Variants in SND1 observed in about 807,000 individuals in gnomAD.
SND1 encodes staphylococcal nuclease and tudor domain containing 1, also known as staphylococcal nuclease domain-containing protein 1.
In SND1, 38 loss-of-function variants were observed where a neutral mutation model predicts 121.7. That is an observed-to-expected ratio of 0.31 (90% CI 0.24 to 0.41). SND1 has a LOEUF of 0.41. Ranked by LOEUF, SND1 falls within the 10% of genes least tolerant of loss-of-function variation. The probability of loss-of-function intolerance (pLI) is 1.00; values close to 1 mark genes in which losing one functional copy is unlikely to be tolerated. For synonymous variants in SND1, 401 were observed against 447.4 expected, an observed-to-expected ratio of 0.90 and a Z score of 1.31; for missense variants, 868 against 1,184.6, an observed-to-expected ratio of 0.73 and a Z score of 3.92.
chr7:127,901,386 A>G (rs1195627482), intron 13 of SND1, among the ~76,000 whole-genome samples: 1 of 151,756 alleles, frequency 6.6e-6, no homozygotes, highest in Non-Finnish European at 1.5e-5. Flanking sequence ...TCCCCCAGAT[A>G]CTCTTTCGTG....
At chr7:127,826,147 C>T (rs987475870) in intron 11 of SND1, among the ~76,000 whole-genome samples, 16 of 152,120 alleles carry the variant, frequency 1.1e-4, no homozygotes, top group African/African-American at 2.7e-4. Flanking sequence ...GCCAAGATTG[C>T]GCCACCACAC....
intron 16 of SND1, among the ~76,000 whole-genome samples, chr7:128,039,961 A>G (rs1792821320): frequency 6.6e-6 from 1 of 152,212 alleles, no homozygotes; most frequent in Admixed American, 6.5e-5. Flanking sequence ...GAGCTATAGC[A>G]CAGTCGGCGG....
chr7:127,867,594 A>T (rs1490229104), intron 12 of SND1, among the ~76,000 whole-genome samples: 2 of 152,052 alleles, frequency 1.3e-5, no homozygotes, highest in African/African-American at 2.4e-5. Context: ...ATCTCCTCCT[A>T]ACTCCCAGTA....
rs1793737996 is a variant in SND1 at position 128,089,362 on chromosome 7, TA to T, written c.2419-126del. Reference sequence around the variant, plus strand: ...AGCCACCGTGCCTGGCCAACCTCACTAGGGTTCTCTGGGGAGAAAATTACAG... The same window carrying T: ...AGCCACCGTGCCTGGCCAACCTCACTGGGTTCTCTGGGGAGAAAATTACAG... On this transcript the variant is annotated intron_variant, in intron 21 of 23. Transcript: ENST00000354725. 15 of 918,490 alleles carry T rather than the reference TA, an allele frequency of 1.6e-5. 1 individual carries two copies. The South Asian group carries it at 1.7e-4, about 10-fold the overall frequency. The allele number at this position is 918,490 out of a possible 1,614,324, so 56.9% of individuals were successfully genotyped here.
rs564203720 is a variant in SND1 at position 127,930,198 on chromosome 7, G to A, written c.1669+869G>A. ...TCACTTGCAAAAGACATATCCCGCCGTGGTCCCCAGATGCACATGGTCCCC... is the reference window on the plus strand; with the variant it reads ...TCACTTGCAAAAGACATATCCCGCCATGGTCCCCAGATGCACATGGTCCCC... On this transcript the variant is annotated intron_variant, in intron 15 of 23. Coordinates refer to ENST00000354725, the MANE Select transcript of SND1 (RefSeq NM_014390.4). Among the ~76,000 whole-genome samples, 29 of 138,480 alleles carry A rather than the reference G, an allele frequency of 2.1e-4. No homozygotes were observed. The South Asian group carries it at 5.4e-3, about 26-fold the overall frequency. The allele number at this position is 138,480 out of a possible 152,430, so 90.8% of individuals were successfully genotyped here.
chr7:127,928,629 C>T (rs548074806), intron 14 of SND1, among the ~76,000 whole-genome samples: 1 of 151,408 alleles, frequency 6.6e-6, no homozygotes, highest in East Asian at 1.9e-4. Flanking sequence ...CTCTTGTTGC[C>T]CAGGTTGGAG....
chr7:127,777,374 G>C (rs1205595537), intron 10 of SND1, among the ~76,000 whole-genome samples: 2 of 152,192 alleles, frequency 1.3e-5, no homozygotes, highest in Admixed American at 1.3e-4. Context: ...GGAAAACTCA[G>C]AAAGAGTTGA....
intron 11 of SND1, among the ~76,000 whole-genome samples, chr7:127,810,675 T>A (rs922856235): frequency 6.6e-5 from 10 of 152,350 alleles, no homozygotes; most frequent in Non-Finnish European, 1.2e-4. Context: ...CCTTAACGCT[T>A]AGAGATCAGT....
At chr7:127,721,245 G>T in intron 9 of SND1, 42 bp from the exon 10 acceptor site, 1 of 1,366,228 alleles carries the variant, frequency 7.3e-7, no homozygotes, top group Non-Finnish European at 1.0e-6. Context: ...ATGTGATGGG[G>T]GCCATAGAAG....
intron 14 of SND1, among the ~76,000 whole-genome samples, chr7:127,910,778 C>G (rs1320913941): frequency 1.3e-5 from 2 of 152,150 alleles, no homozygotes; most frequent in African/African-American, 2.4e-5. Flanking sequence ...TCTCACGTCT[C>G]TCTTGCCAAC....
intron 13 of SND1, among the ~76,000 whole-genome samples, chr7:127,897,101 C>T (rs574608789): frequency 2.6e-5 from 4 of 152,210 alleles, no homozygotes; most frequent in East Asian, 3.9e-4. Context: ...TTGTAAACTT[C>T]CTTGTGCATT....
intron 10 of SND1, among the ~76,000 whole-genome samples, chr7:127,751,809 G>A (rs957827347): frequency 6.6e-6 from 1 of 152,228 alleles, no homozygotes; most frequent in Non-Finnish European, 1.5e-5. Context: ...GCACCCTCTG[G>A]ACACTGGCCT....
rs780959111 is a variant in SND1 at position 127,721,273 on chromosome 7, C to T, written c.1039-14C>T. 2 of 1,603,390 alleles carry T rather than the reference C, an allele frequency of 1.2e-6. No homozygotes were observed. Among genetic ancestry groups the T allele is most frequent in the South Asian group, 2.2e-5 (2 of 90,798 alleles). On this transcript the variant is annotated splice_polypyrimidine_tract_variant and intron_variant, in intron 9 of 23. Coordinates refer to ENST00000354725, the MANE Select transcript of SND1 (RefSeq NM_014390.4). ...CATAGAAGCAGGTTTAAGCATGTTCCTTTTTGCTCACAGGTGATGCAGGTT... is the reference window on the plus strand; with the variant it reads ...CATAGAAGCAGGTTTAAGCATGTTCTTTTTTGCTCACAGGTGATGCAGGTT...
intron 13 of SND1, among the ~76,000 whole-genome samples, chr7:127,899,139 A>G (rs1322222603): frequency 6.6e-6 from 1 of 152,164 alleles, no homozygotes; most frequent in Non-Finnish European, 1.5e-5. Context: ...AAATACTATA[A>G]TAAAGATTAA....
Position 128,029,082 on chromosome 7 carries a change from T to C in SND1, c.1779+38026T>C. ...GATCTTGGTGGTCTTCATGACTTCATCCAGGCTGGTCTGCATCTTGTCAGT... is the reference window on the plus strand; with the variant it reads ...GATCTTGGTGGTCTTCATGACTTCACCCAGGCTGGTCTGCATCTTGTCAGT... On this transcript the variant is annotated intron_variant, in intron 16 of 23. Transcript: ENST00000354725. The surrounding 1 kb of genome is among the most constrained non-coding windows in gnomAD (Gnocchi z 4.2). 6.2e-7 allele frequency: 1 copy of C among 1,613,948 alleles called. No individual in the cohort carries two copies. The highest frequency in any genetic ancestry group is 8.5e-7 in the Non-Finnish European group (1 of 1,179,980).
At chr7:128,025,564 C>T (rs1803457661) in intron 16 of SND1, among the ~76,000 whole-genome samples, 1 of 152,206 alleles carries the variant, frequency 6.6e-6, no homozygotes, top group South Asian at 2.1e-4. Context: ...TCCTAGGTAA[C>T]AAACCTTGGC....
At chr7:128,048,479 T>C (rs1166585350) in intron 16 of SND1, among the ~76,000 whole-genome samples, 1 of 152,216 alleles carries the variant, frequency 6.6e-6, no homozygotes, top group African/African-American at 2.4e-5. Flanking sequence ...TAGTCACTTT[T>C]CTTAATGGTT....
chr7:127,959,014 C>A (rs914277286), intron 15 of SND1, among the ~76,000 whole-genome samples: 2 of 152,104 alleles, frequency 1.3e-5, no homozygotes, highest in East Asian at 3.9e-4. Flanking sequence ...AATGAACACA[C>A]CATTGGAAGC....
At chr7:128,022,779 G>A (rs1803387518) in intron 16 of SND1, among the ~76,000 whole-genome samples, 1 of 146,824 alleles carries the variant, frequency 6.8e-6, no homozygotes, top group South Asian at 2.1e-4. Flanking sequence ...GCCTGTCAGG[G>A]TCAGGATTAA....
Sources: allele counts gnomAD v4.1 joint callset (sites outside exome capture counted in the v4.1 genomes callset), GRCh38; gene constraint gnomAD v4.1.1; non-coding constraint Gnocchi (gnomAD v3.1); transcripts MANE v1.5; gene names NCBI Gene and HGNC (gene_info 2026-07-23, HGNC 2026-07-21).